The following STIM2 variants were observed in gnomAD, a reference collection of about 807,000 sequenced individuals.
STIM2 encodes stromal interaction molecule 2.
Under a neutral mutation model 85.8 loss-of-function variants are expected in STIM2, and 31 were observed. That is an observed-to-expected ratio of 0.36 (90% CI 0.27 to 0.49). STIM2 has a LOEUF of 0.49. Ranked by LOEUF, STIM2 falls within the 20% of genes least tolerant of loss-of-function variation. STIM2 has a pLI of 0.98. For synonymous variants in STIM2, 356 were observed against 331.1 expected (o/e 1.08, Z -0.82); for missense variants, 841 against 927.6 (o/e 0.91, Z 1.21).
chr4:26,939,903 T>C (rs1302498632), intron 2 of STIM2, among the ~76,000 whole-genome samples: 2 of 152,218 alleles, frequency 1.3e-5, no homozygotes, highest in East Asian at 3.8e-4. Context: ...TATAATGTCA[T>C]GTATGTATAT....
chr4:26,916,160 AACT>A (rs1428575013), intron 1 of STIM2, among the ~76,000 whole-genome samples: 1 of 152,234 alleles, frequency 6.6e-6, no homozygotes, highest in African/African-American at 2.4e-5. Flanking sequence ...GAAGGTAAAC[AACT>A]AAAAACGAAA....
intron 11 of STIM2, among the ~76,000 whole-genome samples, chr4:27,020,772 A>G (rs986733197): frequency 6.6e-6 from 1 of 152,224 alleles, no homozygotes; most frequent in Non-Finnish European, 1.5e-5. Flanking sequence ...TTTTGTAAAT[A>G]TGAATTTAGT....
chr4:26,867,037 A>C (rs1370231369), intron 1 of STIM2, among the ~76,000 whole-genome samples: 1 of 152,134 alleles, frequency 6.6e-6, no homozygotes, highest in Non-Finnish European at 1.5e-5. Context: ...GGCAATGAGG[A>C]GATAACAGAG....
chr4:26,970,200 TATATATATATATATATATATATG>T (rs1726886299), intron 3 of STIM2, among the ~76,000 whole-genome samples: 2 of 8,412 alleles, frequency 2.4e-4, no homozygotes, highest in African/African-American at 4.8e-4. Flanking sequence ...AGTGTGTGTG[TATATATATATATATATATATATG>T]TATATATATA....
At chr4:27,009,287 T>C (rs1212111612) in intron 10 of STIM2, among the ~76,000 whole-genome samples, 2 of 152,194 alleles carry the variant, frequency 1.3e-5, no homozygotes, top group Admixed American at 1.3e-4. Context: ...TGAGCAACTG[T>C]TATATATAAC....
Position 27,022,581 on chromosome 4 carries a change from C to G in STIM2, c.1826C>G (p.Ser609Cys). The change falls in exon 12 of 12, where the codon TCT (serine) becomes TGT (cysteine). Residue 609 changes from serine (S) to cysteine (C), a missense_variant. By Grantham distance (112) the Ser-to-Cys change is moderately radical. Transcript: ENST00000467087. ...AATTCTTCCATTGGAAGGAAACAGT[C>G]TCCTCCTTTAAGCCTCGAGATATAC... 6.2e-7 allele frequency: 1 copy of G among 1,612,010 alleles called. No individual in the cohort carries two copies. The highest frequency in any genetic ancestry group is 1.3e-5 in the African/African-American group (1 of 75,026).
At chr4:26,912,723 T>G (rs1156938604) in intron 1 of STIM2, among the ~76,000 whole-genome samples, 1 of 152,260 alleles carries the variant, frequency 6.6e-6, no homozygotes, top group Admixed American at 6.5e-5. Context: ...ATCATTTCTA[T>G]AGTTTATATT....
chr4:26,868,696 A>G (rs533310659), intron 1 of STIM2, among the ~76,000 whole-genome samples: 81 of 152,242 alleles, frequency 5.3e-4, no homozygotes, highest in African/African-American at 1.9e-3. Context: ...TCTTTTTTAA[A>G]AAATCTGATG....
intron 3 of STIM2, among the ~76,000 whole-genome samples, chr4:26,983,540 A>C (rs1292657476): frequency 1.3e-5 from 2 of 152,202 alleles, no homozygotes; most frequent in Non-Finnish European, 1.5e-5. Flanking sequence ...AGATCAAACA[A>C]ATTTCTGAGT....
intron 1 of STIM2, among the ~76,000 whole-genome samples, chr4:26,901,804 T>G (rs1055288429): frequency 6.6e-6 from 1 of 152,182 alleles, no homozygotes; most frequent in Admixed American, 6.6e-5. Flanking sequence ...GACTCCAGAC[T>G]TGGTGGTCTT....
rs535213913 is a variant in STIM2, at chr4:26,959,112, A to G, written c.397+1386A>G. ...CACCTAGCAGAGTACTCTAAAATGT[A>G]AATTAGATCTGCTCATTACTCTGTA... On this transcript the variant is annotated intron_variant, in intron 3 of 11. Coordinates refer to ENST00000467087, the MANE Select transcript of STIM2 (RefSeq NM_020860.4). 5.3e-5 allele frequency among the ~76,000 whole-genome samples: 8 copies of G among 152,186 alleles called. No individual in the cohort carries two copies. In the South Asian group the frequency reaches 1.2e-3, roughly 24 times the overall value.
intron 5 of STIM2, 48 bp from the exon 6 acceptor site, chr4:27,002,169 C>G (rs2109131394): frequency 1.3e-6 from 2 of 1,515,514 alleles, no homozygotes; most frequent in Non-Finnish European, 1.8e-6. Flanking sequence ...GTATTGAGGT[C>G]CTGTCATACT....
chr4:26,868,041 G>A (rs112369989), intron 1 of STIM2, among the ~76,000 whole-genome samples: 28 of 152,328 alleles, frequency 1.8e-4, no homozygotes, highest in Middle Eastern at 3.4e-3. Flanking sequence ...CTGCAGTCCC[G>A]AGAGTAATTT....
rs1396343361 is a variant in STIM2, at chr4:26,885,859, A to ATGTATATATATATATATATATATATG, written c.151+24491_151+24492insGTATATATATATATATATATATATGT. On this transcript the variant is annotated intron_variant, in intron 1 of 11. Coordinates refer to ENST00000467087, the MANE Select transcript of STIM2 (RefSeq NM_020860.4). ...TATATATATATATATATATATATAT[A>ATGTATATATATATATATATATATATG]TATATATATATATATGTATATGTCT... Among the ~76,000 whole-genome samples the ATGTATATATATATATATATATATATG allele has an allele frequency of 1.0e-4, 9 of 89,432 alleles. No individual in the cohort carries two copies. In the East Asian group the frequency reaches 1.8e-3, roughly 18 times the overall value. 58.7% of individuals were successfully genotyped at this position (89,432 alleles called of 152,430 possible).
At chr4:26,980,643 A>G (rs1454608334) in intron 3 of STIM2, among the ~76,000 whole-genome samples, 2 of 152,166 alleles carry the variant, frequency 1.3e-5, no homozygotes, top group Non-Finnish European at 2.9e-5. Context: ...TCTAGCCCAT[A>G]AAAGTTGAGA....
chr4:26,923,476 T>G (rs1480594384), intron 2 of STIM2, among the ~76,000 whole-genome samples: 5 of 148,802 alleles, frequency 3.4e-5, no homozygotes, highest in Non-Finnish European at 6.0e-5. Context: ...AAGCAAATGC[T>G]GAGAGATTTT....
chr4:26,907,784 T>C (rs1724184880), intron 1 of STIM2, among the ~76,000 whole-genome samples: 1 of 152,224 alleles, frequency 6.6e-6, no homozygotes, highest in African/African-American at 2.4e-5. Context: ...GCTGTTTCTT[T>C]CCATGTTGGA....
chr4:26,867,716 G>C (rs7655631), intron 1 of STIM2, among the ~76,000 whole-genome samples: 41,447 of 152,062 alleles, frequency 0.27, 5,752 homozygotes, highest in East Asian at 0.39. Context: ...TAAAAGGTTT[G>C]TTCTGTTCTT....
In STIM2 at chr4:27,007,598, T is replaced by C. The variant is rs1728411403; in HGVS notation, c.1047T>C (p.Asp349=). 14 of 1,608,252 alleles carry C rather than the reference T, an allele frequency of 8.7e-6. No homozygotes were observed. The highest frequency in any genetic ancestry group is 1.0e-5 in the Non-Finnish European group (12 of 1,177,850). The change falls in exon 8 of 12, where the codon GAT becomes GAC. Residue 349 remains aspartate (D), a synonymous_variant. Coordinates refer to ENST00000467087, the MANE Select transcript of STIM2 (RefSeq NM_020860.4). ...TGAGAAGCAGTTGGTCTGTTCCAGA[T>C]GCACTTCAGAAATGGCTTCAGTTAA... is the stretch of plus-strand genomic sequence containing the variant.
Sources: allele counts gnomAD v4.1 joint callset (sites outside exome capture counted in the v4.1 genomes callset), GRCh38; gene constraint gnomAD v4.1.1; transcripts MANE v1.5; gene names NCBI Gene and HGNC (gene_info 2026-07-23, HGNC 2026-07-21).